TDRD1: variants seen among roughly 807,000 people sequenced by gnomAD.
TDRD1 encodes the protein tudor domain-containing protein 1.
A neutral mutation model predicts 140.6 loss-of-function variants in TDRD1; 37 were observed. The observed-to-expected ratio is 0.26, with a 90% CI of 0.20 to 0.35. The LOEUF (loss-of-function observed/expected upper bound fraction) is 0.35, where lower values mean the gene tolerates loss of function less well. Ranked by LOEUF, TDRD1 falls within the 10% of genes least tolerant of loss-of-function variation. TDRD1 has a pLI of 1.00. For missense variants in TDRD1, 1,243 were observed against 1,393.0 expected (o/e 0.89, Z 1.71); for synonymous variants, 506 against 475.7 (o/e 1.06, Z -0.83).
chr10:114,218,872 G>T (rs1262357550), intron 18 of TDRD1, among the ~76,000 whole-genome samples: 1 of 152,156 alleles, frequency 6.6e-6, no homozygotes, highest in Non-Finnish European at 1.5e-5. Flanking sequence ...TAGTAATTTT[G>T]CTCCTAGTAA....
chr10:114,189,185 G>A (rs1344349666), intron 2 of TDRD1, among the ~76,000 whole-genome samples: 1 of 152,212 alleles, frequency 6.6e-6, no homozygotes, highest in Admixed American at 6.5e-5. Context: ...AGTTAAAAAT[G>A]CACTTGATTG....
chr10:114,231,723 C>T, exon 26 of TDRD1: 1 of 510,886 alleles, frequency 2.0e-6, no homozygotes, highest in Non-Finnish European at 3.4e-6. Context: ...AAAATTCATA[C>T]CAAATCAATG....
At chr10:114,200,534 C>G (rs2034659139) in intron 4 of TDRD1, among the ~76,000 whole-genome samples, 1 of 152,112 alleles carries the variant, frequency 6.6e-6, no homozygotes, top group African/African-American at 2.4e-5. Flanking sequence ...ACAGCCATTT[C>G]AGTCGCTTGT....
chr10:114,206,611 GTT>G (rs33936742), intron 11 of TDRD1, among the ~76,000 whole-genome samples: 1,577 of 105,998 alleles, frequency 0.015, 16 homozygotes, highest in African/African-American at 0.052. Flanking sequence ...GTTAGGGTTT[GTT>G]TTTTTTTTTT....
intron 18 of TDRD1, among the ~76,000 whole-genome samples, chr10:114,219,707 C>T (rs1213768866): frequency 6.6e-6 from 1 of 151,724 alleles, no homozygotes; most frequent in African/African-American, 2.4e-5. Flanking sequence ...CCTACCTCAT[C>T]AGCCTCCTGA....
intron 1 of TDRD1, among the ~76,000 whole-genome samples, chr10:114,185,180 C>A (rs957011581): frequency 2.0e-5 from 3 of 152,044 alleles, no homozygotes; most frequent in Non-Finnish European, 4.4e-5. Flanking sequence ...GCTGCTTTAT[C>A]TCCTTGGAGT....
At chr10:114,227,598 C>A (rs538228161) in intron 23 of TDRD1, among the ~76,000 whole-genome samples, 166 of 152,338 alleles carry the variant, frequency 1.1e-3, no homozygotes, top group Non-Finnish European at 1.7e-3. Context: ...TACTTTCTAT[C>A]CTGATCAAAC....
chr10:114,208,194 G>A (rs1013242584), intron 11 of TDRD1, among the ~76,000 whole-genome samples: 2 of 152,180 alleles, frequency 1.3e-5, no homozygotes, highest in South Asian at 4.1e-4. Context: ...TGGTCAGGAG[G>A]TAAGCTAGAG....
At chr10:114,187,547 T>C (rs1194090051) in intron 1 of TDRD1, among the ~76,000 whole-genome samples, 3 of 152,216 alleles carry the variant, frequency 2.0e-5, no homozygotes, top group Non-Finnish European at 4.4e-5. Flanking sequence ...TAGTGTTGCC[T>C]CAAAAGCTTT....
At chr10:114,222,878 C>T (rs1244735916) in intron 21 of TDRD1, among the ~76,000 whole-genome samples, 175 bp downstream of exon 21, 6 of 152,124 alleles carry the variant, frequency 3.9e-5, no homozygotes, top group African/African-American at 1.4e-4. Context: ...CTTTTCGATT[C>T]TATATAGATT....
At chr10:114,179,842 C>G (rs2032889564) in intron 1 of TDRD1, 1 of 152,196 alleles carries the variant, frequency 6.6e-6, no homozygotes, top group African/African-American at 2.4e-5. Flanking sequence ...TAAGGAGTTC[C>G]TGCTGTGTGC....
intron 1 of TDRD1, 25 bp from the exon 2 acceptor site, chr10:114,187,801 C>G (rs760572743): frequency 1.6e-5 from 24 of 1,510,062 alleles, no homozygotes; most frequent in Non-Finnish European, 2.1e-5. Flanking sequence ...TAAAAGTTGT[C>G]TCTTAAATAC....
At chr10:114,220,821 A>G (rs1186978888) in exon 19 of TDRD1, 11 of 1,611,824 alleles carry the variant, frequency 6.8e-6, no homozygotes, top group Non-Finnish European at 8.5e-6. Context: ...ATGAGCTTCA[A>G]GTTCATGTAC....
chr10:114,209,124 T>C (rs2035316988), intron 11 of TDRD1, among the ~76,000 whole-genome samples: 1 of 151,950 alleles, frequency 6.6e-6, no homozygotes. Context: ...GAGGCTGAGG[T>C]GGGAGGAGGG....
chr10:114,180,743 C>T (rs796966983), intron 1 of TDRD1, among the ~76,000 whole-genome samples: 3 of 152,132 alleles, frequency 2.0e-5, no homozygotes, highest in African/African-American at 7.2e-5. Context: ...GGATTACAGG[C>T]GTGAGCCACA....
chr10:114,175,134 A>G (rs1481830916), upstream of TDRD1, among the ~76,000 whole-genome samples: 2 of 152,338 alleles, frequency 1.3e-5, no homozygotes, highest in East Asian at 3.9e-4. Context: ...AAGGTACTAC[A>G]CTGAAGCACA....
At chr10:114,203,231 C>T in intron 7 of TDRD1, 55 bp downstream of exon 7, 1 of 1,510,406 alleles carries the variant, frequency 6.6e-7, no homozygotes, top group Non-Finnish European at 9.1e-7. Flanking sequence ...TGTATTTATT[C>T]TCGTTTCCTA....
intron 11 of TDRD1, among the ~76,000 whole-genome samples, chr10:114,209,240 A>G (rs950377568): frequency 6.6e-6 from 1 of 152,018 alleles, no homozygotes; most frequent in African/African-American, 2.4e-5. Context: ...AAAAACAATA[A>G]CTCATGGAGG....
At position 114,191,031 on chromosome 10, in the gene TDRD1, T is replaced by G; in HGVS notation, c.384+12T>G. 1 of 1,613,230 alleles carries G rather than the reference T, an allele frequency of 6.2e-7. No individual in the cohort carries two copies. Among genetic ancestry groups the G allele is most frequent in the Non-Finnish European group, 8.5e-7 (1 of 1,179,396 alleles). On this transcript the variant is annotated intron_variant, in intron 3 of 25. Coordinates refer to ENST00000251864, the Ensembl canonical transcript of TDRD1. ...AAGAAGTGAATATTGTAAGTTATTTTATTGTGTGTGTGCTTGTTTGGGTAA... is the reference window on the plus strand; with the variant it reads ...AAGAAGTGAATATTGTAAGTTATTTGATTGTGTGTGTGCTTGTTTGGGTAA...
Sources: allele counts gnomAD v4.1 joint callset (sites outside exome capture counted in the v4.1 genomes callset), GRCh38; gene constraint gnomAD v4.1.1; transcripts MANE v1.5; gene names NCBI Gene and HGNC (gene_info 2026-07-23, HGNC 2026-07-21).